Variants in UBE2D2 observed in about 807,000 individuals in gnomAD.
The protein encoded by UBE2D2 is ubiquitin conjugating enzyme E2 D2.
In UBE2D2, 2 loss-of-function variants were observed where a neutral mutation model predicts 24.2. The ratio of observed to expected loss-of-function variants is 0.08; its 90% CI spans 0.03 to 0.26. UBE2D2 has a LOEUF of 0.26. Ranked by LOEUF, UBE2D2 falls within the 10% of genes least tolerant of loss-of-function variation. UBE2D2 has a pLI of 1.00. For missense variants in UBE2D2, 44 were observed against 177.6 expected, an observed-to-expected ratio of 0.25 and a Z score of 4.28; for synonymous variants, 58 against 56.5, an observed-to-expected ratio of 1.03 and a Z score of -0.12.
intron 1 of UBE2D2, among the ~76,000 whole-genome samples, chr5:139,575,215 TGA>T (rs1386320798): frequency 6.6e-6 from 1 of 152,158 alleles, no homozygotes; most frequent in African/African-American, 2.4e-5. Flanking sequence ...ACCTTTGCAG[TGA>T]ACAACATGTT....
At chr5:139,562,349 G>T in intron 1 of UBE2D2, 1 of 1,340,722 alleles carries the variant, frequency 7.5e-7, no homozygotes, top group Non-Finnish European at 9.8e-7. Flanking sequence ...AGCACACATC[G>T]GTCCACCCTG....
chr5:139,585,213 T>A (rs996796862), intron 1 of UBE2D2, among the ~76,000 whole-genome samples: 1 of 147,540 alleles, frequency 6.8e-6, no homozygotes, highest in Non-Finnish European at 1.5e-5. Context: ...TGCAGGTCTT[T>A]TTTTTTTTTT....
intron 1 of UBE2D2, 186 bp downstream of exon 1, chr5:139,562,001 C>A: frequency 1.1e-6 from 1 of 942,708 alleles, no homozygotes; most frequent in Non-Finnish European, 1.5e-6. Context: ...GCAGCCCGCG[C>A]TTAGGCCGGA....
intron 2 of UBE2D2, among the ~76,000 whole-genome samples, chr5:139,608,114 A>AT (rs563671331): frequency 1.3e-5 from 2 of 151,854 alleles, no homozygotes; most frequent in African/African-American, 2.4e-5. Context: ...GAAAATATTT[A>AT]TTTTTTTCCC....
At position 139,561,755 on chromosome 5, in the gene UBE2D2, T is replaced by G; in HGVS notation, c.-37T>G. The G allele has an allele frequency of 3.9e-4, 426 of 1,086,502 alleles. No homozygotes were observed. Among genetic ancestry groups the G allele is most frequent in the East Asian group, 4.5e-4 (12 of 26,782 alleles). 67.3% of individuals were successfully genotyped at this position (1,086,502 alleles called of 1,614,324 possible). A position where few individuals can be genotyped will look rare whatever the true frequency, so the allele number is the denominator to read the frequency against. Reference sequence around the variant, plus strand: ...CTTCCCCGTCCCTTCCCCGCCCCCGTCCCCGCCCCGGGGGCCGCCGCCACC... The same window carrying G: ...CTTCCCCGTCCCTTCCCCGCCCCCGGCCCCGCCCCGGGGGCCGCCGCCACC... On this transcript the variant is annotated 5_prime_UTR_variant, in exon 1 of 7. Transcript: ENST00000398733.
At chr5:139,575,087 A>G (rs2126659149) in intron 1 of UBE2D2, among the ~76,000 whole-genome samples, 1 of 152,326 alleles carries the variant, frequency 6.6e-6, no homozygotes, top group South Asian at 2.1e-4. Flanking sequence ...ATAGTGAAAC[A>G]ACCCTGCCAC....
chr5:139,620,987 G>A (rs1754503477), intron 5 of UBE2D2, among the ~76,000 whole-genome samples: 1 of 152,246 alleles, frequency 6.6e-6, no homozygotes, highest in South Asian at 2.1e-4. Flanking sequence ...GTTCACGCCT[G>A]TAATCCCAGC....
At chr5:139,549,349 G>C (rs1041843397) in intron 1 of UBE2D2, among the ~76,000 whole-genome samples, 10 of 152,186 alleles carry the variant, frequency 6.6e-5, no homozygotes, top group Non-Finnish European at 1.3e-4. Flanking sequence ...TGGAGGGAGA[G>C]GCCCAGGCAG....
chr5:139,594,446 C>G (rs1446052172), intron 1 of UBE2D2, among the ~76,000 whole-genome samples: 1 of 151,890 alleles, frequency 6.6e-6, no homozygotes, highest in African/African-American at 2.4e-5. Flanking sequence ...GAGACACAGT[C>G]TCTATTGCCC....
chr5:139,551,675 C>G (rs368008864), intron 1 of UBE2D2, among the ~76,000 whole-genome samples: 2 of 152,202 alleles, frequency 1.3e-5, no homozygotes, highest in Non-Finnish European at 2.9e-5. Flanking sequence ...GATCTCTGCC[C>G]TCCAGAAACT....
intron 1 of UBE2D2, among the ~76,000 whole-genome samples, chr5:139,554,293 C>A (rs1358687459): frequency 6.6e-6 from 1 of 152,138 alleles, no homozygotes; most frequent in Non-Finnish European, 1.5e-5. Flanking sequence ...CTCAGCCTCC[C>A]GAGTGGCTGG....
At chr5:139,611,554 G>A (rs978621946) in intron 2 of UBE2D2, among the ~76,000 whole-genome samples, 1 of 152,050 alleles carries the variant, frequency 6.6e-6, no homozygotes, top group African/African-American at 2.4e-5. Context: ...AATCACTATT[G>A]AAATGACATC....
At chr5:139,614,461 T>G (rs1312410010) in intron 2 of UBE2D2, 125 bp from the exon 3 acceptor site, 10 of 1,108,088 alleles carry the variant, frequency 9.0e-6, no homozygotes, top group African/African-American at 1.6e-5. Flanking sequence ...GTTCCTCATC[T>G]TGCTCATACT....
chr5:139,531,538 G>A (rs1752596726), intron 1 of UBE2D2, among the ~76,000 whole-genome samples: 1 of 151,102 alleles, frequency 6.6e-6, no homozygotes, highest in Non-Finnish European at 1.5e-5. Flanking sequence ...TGTCTGAGAG[G>A]TTTTGTCTGT....
chr5:139,548,189 A>ATAAATAAATAAAT (rs1752862035), intron 1 of UBE2D2, among the ~76,000 whole-genome samples: 1 of 18,668 alleles, frequency 5.4e-5, no homozygotes, highest in Admixed American at 4.6e-4. Flanking sequence ...AAAAATAAAA[A>ATAAATAAATAAAT]AAAAAAATAA....
At chr5:139,620,622 C>T (rs1397890238) in intron 5 of UBE2D2, among the ~76,000 whole-genome samples, 1 of 152,102 alleles carries the variant, frequency 6.6e-6, no homozygotes, top group Non-Finnish European at 1.5e-5. Context: ...TTTTCATATA[C>T]TCTTAAGGCA....
chr5:139,579,811 G>A (rs1478391151), intron 1 of UBE2D2, among the ~76,000 whole-genome samples: 2 of 151,946 alleles, frequency 1.3e-5, no homozygotes. Context: ...ACTTTGGAAG[G>A]CCGCGGTGGG....
At chr5:139,622,854 C>G (rs528413644) in intron 5 of UBE2D2, among the ~76,000 whole-genome samples, 36 of 151,870 alleles carry the variant, frequency 2.4e-4, no homozygotes, top group East Asian at 9.8e-4. Context: ...CGCGCCGCGC[C>G]ACTGCACTCC....
intron 1 of UBE2D2, among the ~76,000 whole-genome samples, chr5:139,538,730 G>A (rs919406526): frequency 6.6e-5 from 10 of 151,938 alleles, no homozygotes; most frequent in African/African-American, 2.2e-4. Flanking sequence ...GGAATTAGCC[G>A]GGCATGGTGG....
Sources: gnomAD v4.1 joint callset for allele counts (sites outside exome capture counted in the v4.1 genomes callset) on GRCh38, gnomAD v4.1.1 for gene constraint, MANE v1.5 for transcripts, NCBI Gene and HGNC (gene_info 2026-07-23, HGNC 2026-07-21) for gene names.